Variants in EXOC2 observed in about 807,000 individuals in gnomAD.
The protein encoded by EXOC2 is exocyst complex component 2.
A neutral mutation model predicts 131.8 loss-of-function variants in EXOC2; 70 were observed. The ratio of observed to expected loss-of-function variants is 0.53; its 90% CI spans 0.44 to 0.65. EXOC2 has a LOEUF of 0.65. EXOC2 is among the 30% of genes least tolerant of loss of function. EXOC2 has a pLI of 0.00. For synonymous variants in EXOC2, 411 were observed against 398.4 expected (o/e 1.03, Z -0.38); for missense variants, 923 against 1,108.6 (o/e 0.83, Z 2.38).
In EXOC2 at chr6:545,169, A is replaced by C. The variant is rs562467827; in HGVS notation, c.2238+4006T>G. ...ACTCCGTCTCAAAAAAAAAAAAAAA[A>C]AAAAAAAAACTTCAATTAAAAATTT... On this transcript the variant is annotated intron_variant, in intron 22 of 27. Coordinates refer to ENST00000230449, the MANE Select transcript of EXOC2 (RefSeq NM_018303.6). Among the ~76,000 whole-genome samples the C allele has an allele frequency of 1.8e-3, 268 of 151,944 alleles. 2 individuals are homozygous for C. The highest frequency in any genetic ancestry group is 4.6e-3 in the Admixed American group (70 of 15,282).
At chr6:687,171 CTTTTTTTTTTTTT>C (rs762736216) in intron 1 of EXOC2, among the ~76,000 whole-genome samples, 6 of 78,360 alleles carry the variant, frequency 7.7e-5, no homozygotes, top group African/African-American at 3.1e-4. Flanking sequence ...AAATAATATT[CTTTTTTTTTTTTT>C]TTTTTTTTTT....
chr6:591,967 T>C (rs1759565548), intron 11 of EXOC2, among the ~76,000 whole-genome samples: 1 of 152,212 alleles, frequency 6.6e-6, no homozygotes. Context: ...ACACCAGCCA[T>C]CTAAAGCATT....
At chr6:560,139 AT>A (rs1391056708) in intron 17 of EXOC2, among the ~76,000 whole-genome samples, 1 of 152,206 alleles carries the variant, frequency 6.6e-6, no homozygotes, top group Non-Finnish European at 1.5e-5. Flanking sequence ...ACAAGTATTA[AT>A]TTAACAAATA....
intron 4 of EXOC2, among the ~76,000 whole-genome samples, chr6:621,389 T>C (rs1010419133): frequency 2.0e-5 from 3 of 152,202 alleles, no homozygotes; most frequent in Non-Finnish European, 4.4e-5. Context: ...CTGTGGTCCC[T>C]AGAAGAACAG....
At chr6:648,859 C>T (rs1236583514) in intron 1 of EXOC2, among the ~76,000 whole-genome samples, 1 of 151,326 alleles carries the variant, frequency 6.6e-6, no homozygotes, top group East Asian at 1.9e-4. Flanking sequence ...GTAGCTGGGA[C>T]CACAGGCATG....
chr6:636,163 A>G (rs1258623112), intron 2 of EXOC2, among the ~76,000 whole-genome samples: 1 of 152,240 alleles, frequency 6.6e-6, no homozygotes, highest in East Asian at 1.9e-4. Flanking sequence ...TACCTAGACT[A>G]TTGTCATGTT....
At chr6:492,942 A>G (rs1476411343) in intron 25 of EXOC2, among the ~76,000 whole-genome samples, 1 of 152,250 alleles carries the variant, frequency 6.6e-6, no homozygotes, top group African/African-American at 2.4e-5. Context: ...AAAAAAGTTA[A>G]GCTTTCACTT....
At chr6:603,707 C>A (rs530332672) in intron 7 of EXOC2, among the ~76,000 whole-genome samples, 2 of 152,130 alleles carry the variant, frequency 1.3e-5, no homozygotes, top group African/African-American at 4.8e-5. Context: ...TCTGGATATT[C>A]CCTAGTGTTC....
chr6:602,540 G>C (rs1000635537), intron 7 of EXOC2, among the ~76,000 whole-genome samples: 2 of 152,140 alleles, frequency 1.3e-5, no homozygotes, highest in African/African-American at 4.8e-5. Context: ...AGCTGGTAAG[G>C]GTTTGAACAT....
intron 1 of EXOC2, chr6:656,245 G>C (rs575022583): frequency 4.3e-6 from 7 of 1,614,190 alleles, no homozygotes; most frequent in Admixed American, 1.7e-5. Flanking sequence ...AGAAGCTTCC[G>C]ATTGTCCACC....
At chr6:603,421 T>A (rs549207219) in intron 7 of EXOC2, among the ~76,000 whole-genome samples, 3 of 152,140 alleles carry the variant, frequency 2.0e-5, no homozygotes, top group Non-Finnish European at 4.4e-5. Flanking sequence ...CACAGCACTA[T>A]GCCTGACACT....
At chr6:572,336 A>G (rs1758331284) in intron 13 of EXOC2, among the ~76,000 whole-genome samples, 184 bp downstream of exon 13, 1 of 152,204 alleles carries the variant, frequency 6.6e-6, no homozygotes, top group African/African-American at 2.4e-5. Flanking sequence ...AGGAAAAGTG[A>G]CTTGTTCGAG....
chr6:615,042 G>A (rs1760911663), intron 6 of EXOC2, among the ~76,000 whole-genome samples: 1 of 151,920 alleles, frequency 6.6e-6, no homozygotes, highest in African/African-American at 2.4e-5. Flanking sequence ...TAACGAAAGG[G>A]CCTATAACAT....
chr6:543,955 T>C (rs1356030477), intron 22 of EXOC2, among the ~76,000 whole-genome samples: 1 of 152,150 alleles, frequency 6.6e-6, no homozygotes, highest in African/African-American at 2.4e-5. Flanking sequence ...CCGTCAGTGA[T>C]GGGTGAAGCT....
chr6:580,047 T>TA (rs201393147), intron 11 of EXOC2, among the ~76,000 whole-genome samples: 2,230 of 91,792 alleles, frequency 0.024, 33 homozygotes, highest in African/African-American at 0.043. Flanking sequence ...CAGTTTTTTT[T>TA]GTTTTTTTTT....
chr6:681,022 G>C (rs1357509381), intron 1 of EXOC2, among the ~76,000 whole-genome samples: 2 of 152,160 alleles, frequency 1.3e-5, no homozygotes, highest in Non-Finnish European at 2.9e-5. Context: ...TATAAGATGC[G>C]GCTTCTGAGA....
intron 1 of EXOC2, among the ~76,000 whole-genome samples, chr6:638,359 T>C (rs1314164062): frequency 6.6e-6 from 1 of 152,252 alleles, no homozygotes; most frequent in Non-Finnish European, 1.5e-5. Flanking sequence ...CAATGCAATA[T>C]ACTGACATTT....
intron 24 of EXOC2, among the ~76,000 whole-genome samples, chr6:499,022 A>C (rs1763891541): frequency 6.6e-6 from 1 of 152,216 alleles, no homozygotes; most frequent in Admixed American, 6.5e-5. Flanking sequence ...TCCTCAGAAG[A>C]GTCCTCCTAA....
At chr6:683,567 A>C (rs1287647727) in intron 1 of EXOC2, among the ~76,000 whole-genome samples, 1 of 148,236 alleles carries the variant, frequency 6.7e-6, no homozygotes, top group Non-Finnish European at 1.5e-5. Context: ...AGAAAAGGTC[A>C]AGAAACCAAC....
Sources: gnomAD v4.1 joint callset for allele counts (sites outside exome capture counted in the v4.1 genomes callset) on GRCh38, gnomAD v4.1.1 for gene constraint, MANE v1.5 for transcripts, NCBI Gene and HGNC (gene_info 2026-07-23, HGNC 2026-07-21) for gene names.